Variants in EYS observed in about 807,000 individuals in gnomAD.
The protein encoded by EYS is protein eyes shut homolog.
In EYS, 250 loss-of-function variants were observed where a neutral mutation model predicts 282.1. That is an observed-to-expected ratio of 0.89 (90% confidence interval 0.80 to 0.98). The LOEUF is 0.98. EYS is among the 50% of genes least tolerant of loss of function. The pLI, the probability that EYS is intolerant of heterozygous loss-of-function variation, is 0.00. For missense variants in EYS, 4,016 were observed against 3,709.0 expected, an observed-to-expected ratio of 1.08 and a Z score of -2.15; for synonymous variants, 1,355 against 1,282.9, an observed-to-expected ratio of 1.06 and a Z score of -1.20.
At chr6:65,376,616 C>T (rs9342471) in intron 8 of EYS, among the ~76,000 whole-genome samples, 62,736 of 151,902 alleles carry the variant, frequency 0.41, 13,952 homozygotes, top group South Asian at 0.5. Context: ...TGGTGCACTG[C>T]ATTCAGAAGA....
chr6:64,997,501 C>G (rs1562293656), intron 14 of EYS, 81 bp downstream of exon 14: 1 of 1,353,678 alleles, frequency 7.4e-7, no homozygotes, highest in Non-Finnish European at 1.0e-6. Flanking sequence ...AACACACAGG[C>G]AAAAACTCAC....
chr6:64,205,192 A>C (rs1251851064), intron 31 of EYS, among the ~76,000 whole-genome samples: 1 of 152,202 alleles, frequency 6.6e-6, no homozygotes, highest in Non-Finnish European at 1.5e-5. Context: ...TTGTATTTCC[A>C]TAGAAACCAA....
chr6:65,599,918 T>A (rs567487945), intron 2 of EYS, among the ~76,000 whole-genome samples: 1 of 152,204 alleles, frequency 6.6e-6, no homozygotes, highest in African/African-American at 2.4e-5. Context: ...ATTGGTTATG[T>A]GCTGTTGGCA....
chr6:64,705,692 T>C (rs1164700754), intron 22 of EYS, among the ~76,000 whole-genome samples: 4 of 151,186 alleles, frequency 2.6e-5, no homozygotes, highest in African/African-American at 7.3e-5. Context: ...ATGGATGAAA[T>C]TGGAAATCGT....
chr6:65,206,152 A>C (rs1165760002), intron 12 of EYS, among the ~76,000 whole-genome samples: 3 of 151,810 alleles, frequency 2.0e-5, no homozygotes, highest in Non-Finnish European at 4.4e-5. Flanking sequence ...GTTTAACCAA[A>C]AAAAGACAGA....
rs1582929468 is a variant in EYS at position 64,591,118 on chromosome 6, A to T, written c.4749T>A (p.Tyr1583Ter). The T allele has an allele frequency of 6.4e-7, 1 of 1,551,000 alleles. No individual in the cohort carries two copies. Among genetic ancestry groups the T allele is most frequent in the South Asian group, 1.2e-5 (1 of 84,054 alleles). The stretch of plus-strand genomic sequence containing the variant: ...TCGCTGAGTTCATCCAGAATGTCTC[A>T]TAAAAGTGGGACTGTTTGCTATGCA... Reference protein sequence around the residue: ...QVLHSKQSHFYETFWMNSAIL... With the variant: ...QVLHSKQSHF Residue 1583 changes from tyrosine (Y) to a stop codon, truncating the protein, a stop_gained, in exon 26 of 43, where the codon TAT becomes TAA. Coordinates refer to ENST00000503581, the MANE Select transcript of EYS (RefSeq NM_001142800.2). LOFTEE classifies it high-confidence loss of function.
At chr6:64,344,330 C>T (rs1299758894) in intron 29 of EYS, among the ~76,000 whole-genome samples, 2 of 151,972 alleles carry the variant, frequency 1.3e-5, no homozygotes, top group East Asian at 1.9e-4. Context: ...CAAACCGAAT[C>T]CAGCAGCACA....
chr6:65,394,904 A>G (rs148739242), intron 7 of EYS, among the ~76,000 whole-genome samples: 1 of 152,218 alleles, frequency 6.6e-6, no homozygotes, highest in Non-Finnish European at 1.5e-5. Flanking sequence ...CTTCCTTAAA[A>G]GCTTTACTTA....
chr6:64,391,381 T>C (rs957006393), intron 28 of EYS, among the ~76,000 whole-genome samples: 2 of 151,962 alleles, frequency 1.3e-5, no homozygotes, highest in African/African-American at 4.8e-5. Context: ...GAGAGAAAGG[T>C]CGGATTACCC....
intron 31 of EYS, among the ~76,000 whole-genome samples, chr6:64,131,282 T>C (rs1773970334): frequency 6.6e-6 from 1 of 152,256 alleles, no homozygotes; most frequent in South Asian, 2.1e-4. Flanking sequence ...GAGTATTTAC[T>C]ATGTGCACAG....
intron 35 of EYS, among the ~76,000 whole-genome samples, chr6:63,974,373 A>G (rs1415362393): frequency 6.6e-6 from 1 of 152,082 alleles, no homozygotes. Flanking sequence ...TCAAAAAAAC[A>G]TATTACCAGG....
intron 2 of EYS, among the ~76,000 whole-genome samples, chr6:65,497,055 C>A (rs1020637871): frequency 1.3e-5 from 2 of 151,958 alleles, no homozygotes; most frequent in African/African-American, 4.8e-5. Context: ...CTACATAATT[C>A]AATGTTCTAC....
intron 12 of EYS, among the ~76,000 whole-genome samples, chr6:65,127,896 A>G (rs1283568012): frequency 1.3e-5 from 2 of 152,052 alleles, no homozygotes; most frequent in Non-Finnish European, 2.9e-5. Flanking sequence ...TTATCTTCCT[A>G]TAAATTGCTT....
chr6:65,043,499 T>C (rs1349261725), intron 13 of EYS, among the ~76,000 whole-genome samples: 1 of 151,438 alleles, frequency 6.6e-6, no homozygotes, highest in Non-Finnish European at 1.5e-5. Context: ...ATCTTATGCC[T>C]CTTTTTGAAG....
Position 64,306,912 on chromosome 6 carries a change from T to TC in EYS, c.6191+57_6191+58insG, listed in dbSNP as rs1172071819. 7.4e-6 allele frequency: 6 copies of TC among 809,008 alleles called. No individual in the cohort carries two copies. In the African/African-American group the frequency reaches 1.0e-4, roughly 14 times the overall value. The allele number at this position is 809,008 out of a possible 1,614,324, so 50.1% of individuals were successfully genotyped here. A position where few individuals can be genotyped will look rare whatever the true frequency, so the allele number is the denominator to read the frequency against. ...ATTAGATTATTTCAATTGGAAATGATATCTTTTGGTGTGGTTATTTGAACA... is the reference window on the plus strand; with the variant it reads ...ATTAGATTATTTCAATTGGAAATGATCATCTTTTGGTGTGGTTATTTGAACA... On this transcript the variant is annotated intron_variant, in intron 30 of 42. Coordinates refer to ENST00000503581, the MANE Select transcript of EYS (RefSeq NM_001142800.2).
chr6:64,528,880 T>C (rs1427950405), intron 26 of EYS, among the ~76,000 whole-genome samples: 1 of 152,070 alleles, frequency 6.6e-6, no homozygotes, highest in Non-Finnish European at 1.5e-5. Flanking sequence ...AAATCTGTTC[T>C]ATTGAAAAAT....
At chr6:64,351,987 T>C (rs11752403) in intron 29 of EYS, among the ~76,000 whole-genome samples, 6,654 of 151,658 alleles carry the variant, frequency 0.044, 235 homozygotes, top group Non-Finnish European at 0.07. Flanking sequence ...TATTCCTTAA[T>C]ATGAATTTTT....
At chr6:65,441,868 CAT>C (rs1471428641) in intron 5 of EYS, among the ~76,000 whole-genome samples, 2 of 152,012 alleles carry the variant, frequency 1.3e-5, no homozygotes, top group Non-Finnish European at 2.9e-5. Context: ...CCTGCTCAGA[CAT>C]ATCAAGGAAT....
intron 12 of EYS, among the ~76,000 whole-genome samples, chr6:65,199,465 G>T (rs1765847893): frequency 6.6e-6 from 1 of 152,086 alleles, no homozygotes; most frequent in Admixed American, 6.6e-5. Context: ...CAGCAGCGAA[G>T]TACTCAGTGT....
Sources: allele counts gnomAD v4.1 joint callset (sites outside exome capture counted in the v4.1 genomes callset), GRCh38; gene constraint gnomAD v4.1.1; transcripts MANE v1.5; gene names NCBI Gene and HGNC (gene_info 2026-07-23, HGNC 2026-07-21).